Variants in SCN3A observed in about 807,000 individuals in gnomAD.
The protein encoded by SCN3A is sodium voltage-gated channel alpha subunit 3, also known as sodium channel protein type 3 subunit alpha.
Under a neutral mutation model 187.6 loss-of-function variants are expected in SCN3A, and 60 were observed. The observed-to-expected ratio is 0.32, with a 90% CI of 0.26 to 0.40. The LOEUF is 0.40. SCN3A is among the 10% of genes least tolerant of loss of function. The pLI is 1.00. For synonymous variants in SCN3A, 788 were observed against 829.2 expected, an observed-to-expected ratio of 0.95 and a Z score of 0.85; for missense variants, 1,601 against 2,428.2, an observed-to-expected ratio of 0.66 and a Z score of 7.16.
At chr2:165,194,012 T>TA (rs1691776503) in intron 1 of SCN3A, among the ~76,000 whole-genome samples, 1 of 152,106 alleles carries the variant, frequency 6.6e-6, no homozygotes, top group Non-Finnish European at 1.5e-5. Context: ...GTTATAATGT[T>TA]ACACAGTGGA....
chr2:165,191,779 G>C (rs1280133354), intron 1 of SCN3A, among the ~76,000 whole-genome samples: 1 of 152,144 alleles, frequency 6.6e-6, no homozygotes, highest in East Asian at 1.9e-4. Flanking sequence ...CACAGAAACA[G>C]CACAGGGGCT....
chr2:165,151,428 C>G (rs1688675424), intron 11 of SCN3A, among the ~76,000 whole-genome samples: 1 of 152,128 alleles, frequency 6.6e-6, no homozygotes, highest in Admixed American at 6.5e-5. Context: ...CTGCTTCTGG[C>G]CAAAATTGAG....
chr2:165,151,505 G>C (rs987996075), intron 11 of SCN3A, among the ~76,000 whole-genome samples: 2 of 152,150 alleles, frequency 1.3e-5, no homozygotes, highest in Non-Finnish European at 2.9e-5. Flanking sequence ...TGTTACAGTA[G>C]TTTTGAAGGC....
chr2:165,162,599 T>C lies in SCN3A; in HGVS notation c.924A>G (p.Val308=). Residue 308 remains valine (V), a synonymous_variant, in exon 8 of 28, where the codon GTA becomes GTG. Coordinates refer to ENST00000283254, the MANE Select transcript of SCN3A (RefSeq NM_006922.4). ...CCTTCCAGTTAAATGTGCTCATTGTTACATTAACAAATGTCCCATTTGAAT... is the reference window on the plus strand; with the variant it reads ...CCTTCCAGTTAAATGTGCTCATTGTCACATTAACAAATGTCCCATTTGAAT... ...TMDSNGTFVN[V]TMSTFNWKDY... 1 of 1,614,192 alleles carries C rather than the reference T, an allele frequency of 6.2e-7. No homozygotes were observed.
chr2:165,164,710 G>GA (rs962916281), intron 5 of SCN3A, among the ~76,000 whole-genome samples, 190 bp from the exon 6 acceptor site: 2 of 152,052 alleles, frequency 1.3e-5, no homozygotes, highest in Admixed American at 1.3e-4. Context: ...AAACTGAAGA[G>GA]AAAATATATT....
At chr2:165,142,608 AT>A (rs1688073955) in intron 12 of SCN3A, among the ~76,000 whole-genome samples, 1 of 152,214 alleles carries the variant, frequency 6.6e-6, no homozygotes, top group Non-Finnish European at 1.5e-5. Context: ...TGATCAAGAG[AT>A]TAGATCATGT....
intron 18 of SCN3A, among the ~76,000 whole-genome samples, chr2:165,119,402 G>A (rs528004744): frequency 2.0e-5 from 3 of 152,136 alleles, no homozygotes; most frequent in African/African-American, 4.8e-5. Flanking sequence ...ATCAGCTTAC[G>A]AATTATGATC....
Position 165,154,519 on chromosome 2 carries a change from G to A in SCN3A, c.1313C>T (p.Ala438Val). ...EEQNQATLEE[A>V]EQKEAEFQQM... ...CTGAAATTCGGCCTCTTTTTGTTCTGCTTCTTCCAAGGTGGCCTGATTCTG... is the reference window on the plus strand; with the variant it reads ...CTGAAATTCGGCCTCTTTTTGTTCTACTTCTTCCAAGGTGGCCTGATTCTG... The change falls in exon 11 of 28, where the codon GCA (alanine) becomes GTA (valine). Residue 438 changes from alanine (A) to valine (V), a missense_variant. Ala to Val is a moderately conservative substitution (Grantham distance 64). Around this residue, in one of 11 missense-constraint regions of SCN3A, gnomAD observed 376 missense variants for 476.0 expected, o/e 0.79. Transcript: ENST00000283254. 6.2e-7 allele frequency: 1 copy of A among 1,613,978 alleles called. No homozygotes were observed. The highest frequency in any genetic ancestry group is 8.5e-7 in the Non-Finnish European group (1 of 1,180,006).
chr2:165,127,954 C>T lies in SCN3A; in HGVS notation c.3070G>A (p.Glu1024Lys), dbSNP rs1553522170. Reference sequence around the variant, plus strand: ...CTAAAAAAGGCTTTTTGGAAACACTCCCGCATCTTATTTTTCACATAATCA... The same window carrying T: ...CTAAAAAAGGCTTTTTGGAAACACTTCCGCATCTTATTTTTCACATAATCA... ...GIDYVKNKMR[E>K]CFQKAFFRKP... Residue 1024 changes from glutamate (E) to lysine (K), a missense_variant, in exon 18 of 28, where the codon GAG (glutamate) becomes AAG (lysine). Glu to Lys is a moderately conservative substitution (Grantham distance 56). Around this residue, in one of 11 missense-constraint regions of SCN3A, gnomAD observed 267 missense variants for 313.2 expected, o/e 0.85. Coordinates refer to ENST00000283254, the MANE Select transcript of SCN3A (RefSeq NM_006922.4). 1.4e-5 allele frequency: 22 copies of T among 1,614,080 alleles called. No individual in the cohort carries two copies. Among genetic ancestry groups the T allele is most frequent in the Non-Finnish European group, 1.8e-5 (21 of 1,180,018 alleles).
At chr2:165,155,523 C>A (rs368041240) in intron 10 of SCN3A, among the ~76,000 whole-genome samples, 2 of 152,076 alleles carry the variant, frequency 1.3e-5, no homozygotes, top group African/African-American at 4.8e-5. Context: ...CCTCAGACTC[C>A]CTTGTAGCTA....
intron 12 of SCN3A, among the ~76,000 whole-genome samples, chr2:165,142,723 GTGTTGTTGTTGT>G (rs4001045): frequency 6.7e-4 from 99 of 148,820 alleles, no homozygotes; most frequent in African/African-American, 1.7e-3. Context: ...TCCAGAACTC[GTGTTGTTGTTGT>G]TGTTGTTGTT....
At chr2:165,163,228 G>A (rs987964667) in intron 7 of SCN3A, among the ~76,000 whole-genome samples, 2 of 93,384 alleles carry the variant, frequency 2.1e-5, no homozygotes, top group African/African-American at 1.2e-4. Context: ...TAAGTCTCAT[G>A]TCTCATGCCA....
chr2:165,154,612 A>G lies in SCN3A; in HGVS notation c.1220T>C (p.Val407Ala), dbSNP rs1688903701. Residue 407 changes from valine (V) to alanine (A), a missense_variant, in exon 11 of 28, where the codon GTC becomes GCC. Transcript: ENST00000283254. ...CAAATAAAATGAGCCCAAGAAAATG[A>G]CCAGGACAAAAAATATCATGTATGT... is the stretch of plus-strand genomic sequence containing the variant. ...GKTYMIFFVL[V>A]IFLGSFYLVN... The G allele has an allele frequency of 1.2e-6, 2 of 1,614,146 alleles. No homozygotes were observed.
intron 6 of SCN3A, 105 bp downstream of exon 6, chr2:165,164,287 T>G (rs1689600593): frequency 4.9e-6 from 7 of 1,442,536 alleles, no homozygotes; most frequent in Non-Finnish European, 6.8e-6. Flanking sequence ...TATAGTTAAC[T>G]TGACTAACAA....
At position 165,090,488 on chromosome 2, in the gene SCN3A, C is replaced by T. The variant is rs879245991; in HGVS notation, c.5665G>A (p.Glu1889Lys). ...MASNPSKVSY[E>K]PITTTLKRKQ... is the part of the protein sequence containing the mutation. Reference sequence around the variant, plus strand: ...CGTTTCAAAGTGGTTGTAATAGGCTCATAAGAGACTTTGGAGGGGTTTGAT... The same window carrying T: ...CGTTTCAAAGTGGTTGTAATAGGCTTATAAGAGACTTTGGAGGGGTTTGAT... Residue 1889 changes from glutamate (E) to lysine (K), a missense_variant, in exon 28 of 28, where the codon GAG becomes AAG. Physicochemically the swap from Glu to Lys is moderately conservative, Grantham distance 56. Coordinates refer to ENST00000283254, the MANE Select transcript of SCN3A (RefSeq NM_006922.4). The surrounding 1 kb of genome is among the most constrained non-coding windows in gnomAD (Gnocchi z 4.0). The T allele has an allele frequency of 6.2e-7, 1 of 1,614,002 alleles. No homozygotes were observed. The highest frequency in any genetic ancestry group is 1.1e-5 in the South Asian group (1 of 91,088).
In SCN3A at chr2:165,170,474, T is replaced by A. The variant is rs771705016; in HGVS notation, c.339A>T (p.Pro113=). ...TAGCAATTTTCCTAACAGGGTTTAG[T>A]GGAGTTAAAATATACAAGGCAGAGG... ...SATSALYILT[P]LNPVRKIAIK... is the part of the protein sequence containing the mutation. Residue 113 remains proline (P), a synonymous_variant, in exon 4 of 28, where the codon CCA becomes CCT. Coordinates refer to ENST00000283254, the MANE Select transcript of SCN3A (RefSeq NM_006922.4). 6.2e-7 allele frequency: 1 copy of A among 1,611,448 alleles called. No individual in the cohort carries two copies. Among genetic ancestry groups the A allele is most frequent in the Non-Finnish European group, 8.5e-7 (1 of 1,178,226 alleles).
intron 21 of SCN3A, among the ~76,000 whole-genome samples, chr2:165,112,143 G>A (rs1290512114): frequency 1.3e-5 from 2 of 152,166 alleles, no homozygotes; most frequent in East Asian, 1.9e-4. Flanking sequence ...CTTGTGCAAC[G>A]GAATATCACA....
chr2:165,117,009 G>A (rs1686402623), intron 18 of SCN3A, among the ~76,000 whole-genome samples: 1 of 138,314 alleles, frequency 7.2e-6, no homozygotes, highest in Non-Finnish European at 1.5e-5. Flanking sequence ...GGAAAGCCAA[G>A]ACATCTTCTC....
intron 19 of SCN3A, among the ~76,000 whole-genome samples, chr2:165,114,523 G>A (rs1338446619): frequency 1.3e-5 from 2 of 152,026 alleles, no homozygotes; most frequent in Admixed American, 6.6e-5. Context: ...CCTAGCTTTC[G>A]CATTATTTCT....
Sources: gnomAD v4.1 joint callset for allele counts (sites outside exome capture counted in the v4.1 genomes callset) on GRCh38, gnomAD v4.1.1 for gene constraint, gnomAD v4.1.1 regional missense constraint, Gnocchi (gnomAD v3.1) non-coding constraint, MANE v1.5 for transcripts, NCBI Gene and HGNC (gene_info 2026-07-23, HGNC 2026-07-21) for gene names.